PRR5L: variants seen among roughly 807,000 people sequenced by gnomAD.
PRR5L encodes the protein proline-rich protein 5-like.
Under a neutral mutation model 36.4 loss-of-function variants are expected in PRR5L, and 21 were observed. The observed-to-expected ratio is 0.58, with a 90% CI of 0.41 to 0.83. The LOEUF is 0.83. Among genes scored for constraint, PRR5L ranks in the 40% least tolerant of loss-of-function variants. The probability of loss-of-function intolerance (pLI) is 0.00; values close to 1 mark genes in which losing one functional copy is unlikely to be tolerated. For synonymous variants in PRR5L, 188 were observed against 197.0 expected, an observed-to-expected ratio of 0.95 and a Z score of 0.38; for missense variants, 381 against 473.3, an observed-to-expected ratio of 0.80 and a Z score of 1.81.
Position 36,355,915 on chromosome 11 carries a change from CT to C in PRR5L, c.-125-45072del, listed in dbSNP as rs558041491. Among the ~76,000 whole-genome samples the C allele has an allele frequency of 1.3e-4, 19 of 146,810 alleles. No individual in the cohort carries two copies. In the South Asian group the frequency reaches 1.3e-3, roughly 10 times the overall value. On this transcript the variant is annotated intron_variant, in intron 1 of 8. Coordinates refer to ENST00000530639, the MANE Select transcript of PRR5L (RefSeq NM_001160167.2). The stretch of plus-strand genomic sequence containing the variant: ...ACAGCCTATTAACACCTGATCTTTG[CT>C]TTTTTTTTTCTTTTTGAGACAGGGT...
At chr11:36,304,508 A>T (rs1424556123) in intron 1 of PRR5L, among the ~76,000 whole-genome samples, 1 of 152,156 alleles carries the variant, frequency 6.6e-6, no homozygotes, top group Non-Finnish European at 1.5e-5. Flanking sequence ...GGCTTTTTTC[A>T]CTAACAACAT....
intron 8 of PRR5L, chr11:36,455,369 G>A (rs556230594): frequency 6.5e-6 from 1 of 152,988 alleles, no homozygotes; most frequent in Non-Finnish European, 1.5e-5. Flanking sequence ...CTCTCTGGGG[G>A]TTTGAAAGGA....
chr11:36,446,195 C>A (rs975380698), intron 6 of PRR5L, 105 bp from the exon 7 acceptor site: 61 of 1,294,652 alleles, frequency 4.7e-5, no homozygotes, highest in Non-Finnish European at 1.5e-5. Context: ...ACGCCTCATC[C>A]CATCTTTGGT....
chr11:36,425,131 G>T (rs1277194093), intron 4 of PRR5L, among the ~76,000 whole-genome samples: 3 of 152,158 alleles, frequency 2.0e-5, no homozygotes, highest in Non-Finnish European at 4.4e-5. Context: ...CACAATCTGC[G>T]TTTTGATGAG....
intron 3 of PRR5L, among the ~76,000 whole-genome samples, chr11:36,405,305 C>T (rs1474414498): frequency 6.6e-6 from 1 of 152,178 alleles, no homozygotes; most frequent in Non-Finnish European, 1.5e-5. Flanking sequence ...TCAAGAAGAA[C>T]TGGAAATTGA....
At position 36,437,483 on chromosome 11, in the gene PRR5L, C is replaced by T; in HGVS notation, c.444+7C>T. The T allele has an allele frequency of 6.5e-7, 1 of 1,540,624 alleles. No homozygotes were observed. The highest frequency in any genetic ancestry group is 9.0e-7 in the Non-Finnish European group (1 of 1,116,164). On this transcript the variant is annotated splice_region_variant and intron_variant, in intron 6 of 8. Coordinates refer to ENST00000530639, the MANE Select transcript of PRR5L (RefSeq NM_001160167.2). ...AATATTTTATCCAGTTCAGGTTAGT[C>T]TCATTGGGGAACACTTCCTGCCATC...
chr11:36,373,012 A>G (rs1857213194), intron 1 of PRR5L, among the ~76,000 whole-genome samples: 1 of 146,260 alleles, frequency 6.8e-6, no homozygotes. Flanking sequence ...GTGTGTTCAC[A>G]TTCCTGAAAT....
At chr11:36,414,436 G>A (rs1456864124) in intron 3 of PRR5L, among the ~76,000 whole-genome samples, 1 of 148,626 alleles carries the variant, frequency 6.7e-6, no homozygotes, top group Non-Finnish European at 1.5e-5. Flanking sequence ...TCTCACTGTG[G>A]TTTTGATTTG....
chr11:36,299,466 A>G (rs1390552127), intron 1 of PRR5L, among the ~76,000 whole-genome samples: 1 of 152,188 alleles, frequency 6.6e-6, no homozygotes, highest in Non-Finnish European at 1.5e-5. Flanking sequence ...GAAGATGGTC[A>G]GTTAAGAGGG....
intron 1 of PRR5L, among the ~76,000 whole-genome samples, chr11:36,397,648 G>T (rs759549233): frequency 5.3e-5 from 8 of 151,290 alleles, no homozygotes; most frequent in Non-Finnish European, 1.0e-4. Context: ...ATAGAGACAG[G>T]GTTTTGCCAT....
intron 1 of PRR5L, among the ~76,000 whole-genome samples, chr11:36,383,753 T>C (rs548265294): frequency 1.2e-4 from 18 of 145,586 alleles, no homozygotes; most frequent in African/African-American, 3.5e-4. Flanking sequence ...TGGAGTGCAA[T>C]GGTGTGATCA....
At chr11:36,426,183 G>T (rs1315704118) in intron 4 of PRR5L, 2 of 152,226 alleles carry the variant, frequency 1.3e-5, no homozygotes, top group Non-Finnish European at 2.9e-5. Context: ...TCTCCTCTGG[G>T]CAAGGACATA....
chr11:36,387,381 C>G (rs183217904), intron 1 of PRR5L, among the ~76,000 whole-genome samples: 2 of 151,812 alleles, frequency 1.3e-5, no homozygotes, highest in Admixed American at 6.6e-5. Context: ...CAAACCTGCA[C>G]GTTGTGCACA....
At chr11:36,389,961 C>A (rs528642072) in intron 1 of PRR5L, among the ~76,000 whole-genome samples, 7 of 152,332 alleles carry the variant, frequency 4.6e-5, no homozygotes, top group African/African-American at 1.7e-4. Flanking sequence ...TCACACACAG[C>A]TGGCTCATTT....
chr11:36,415,978 G>A (rs1858134057), intron 3 of PRR5L, among the ~76,000 whole-genome samples: 1 of 152,206 alleles, frequency 6.6e-6, no homozygotes, highest in Admixed American at 6.5e-5. Context: ...AAGGTAGCCT[G>A]TTGTATGTAC....
At chr11:36,461,375 C>G (rs1859175917) in intron 8 of PRR5L, among the ~76,000 whole-genome samples, 1 of 152,144 alleles carries the variant, frequency 6.6e-6, no homozygotes, top group South Asian at 2.1e-4. Context: ...TTAATCCCAG[C>G]ACTTTGGGAG....
At chr11:36,335,484 A>G (rs1038427473) in intron 1 of PRR5L, among the ~76,000 whole-genome samples, 1 of 152,154 alleles carries the variant, frequency 6.6e-6, no homozygotes, top group Admixed American at 6.6e-5. Context: ...TGTACAGTTC[A>G]TTGATGCCTG....
chr11:36,406,549 G>A (rs186164390), intron 3 of PRR5L, among the ~76,000 whole-genome samples: 8 of 152,356 alleles, frequency 5.3e-5, no homozygotes, highest in Admixed American at 3.3e-4. Context: ...ACATCAGCAA[G>A]TGCCTGTGTG....
rs372186207 is a variant in PRR5L, at chr11:36,451,375, A to G, written c.712+40A>G. ...TCTCAAGTTGTCAAGAGGCCCAGTG[A>G]TCATGATACCAGCACTGTTTAACTG... On this transcript the variant is annotated intron_variant, in intron 8 of 8. Transcript: ENST00000530639. The G allele has an allele frequency of 3.9e-5, 63 of 1,611,178 alleles. No individual in the cohort carries two copies. In the African/African-American group the frequency reaches 6.9e-4, roughly 18 times the overall value.
Sources: allele counts gnomAD v4.1 joint callset (sites outside exome capture counted in the v4.1 genomes callset), GRCh38; gene constraint gnomAD v4.1.1; transcripts MANE v1.5; gene names NCBI Gene and HGNC (gene_info 2026-07-23, HGNC 2026-07-21).